Variants in SV2C observed in about 807,000 individuals in gnomAD.
The protein encoded by SV2C is synaptic vesicle glycoprotein 2C.
A neutral mutation model predicts 79.7 loss-of-function variants in SV2C; 49 were observed. The observed-to-expected ratio is 0.61, with a 90% CI of 0.49 to 0.78. The LOEUF (loss-of-function observed/expected upper bound fraction) is 0.78, where lower values mean the gene tolerates loss of function less well. Among genes scored for constraint, SV2C ranks in the 30% least tolerant of loss-of-function variants. The pLI is 0.00. For synonymous variants in SV2C, 334 were observed against 333.2 expected (o/e 1.00, Z -0.03); for missense variants, 833 against 912.9 (o/e 0.91, Z 1.13).
At chr5:76,147,955 TC>T (rs1749490783) in intron 2 of SV2C, among the ~76,000 whole-genome samples, 1 of 152,228 alleles carries the variant, frequency 6.6e-6, no homozygotes, top group South Asian at 2.1e-4. Flanking sequence ...TATACACCTT[TC>T]TGTCATGCTG....
chr5:76,143,230 A>G (rs1580302350), intron 2 of SV2C, among the ~76,000 whole-genome samples: 1 of 152,064 alleles, frequency 6.6e-6, no homozygotes, highest in Non-Finnish European at 1.5e-5. Context: ...ATTGGTTGCA[A>G]TGATGATGAT....
At chr5:76,154,906 C>G (rs1742672841) in intron 2 of SV2C, among the ~76,000 whole-genome samples, 1 of 151,990 alleles carries the variant, frequency 6.6e-6, no homozygotes, top group Admixed American at 6.6e-5. Context: ...GGAAAAAGAG[C>G]AGGTAGTAGC....
chr5:76,291,530 G>A (rs370562923), intron 7 of SV2C, among the ~76,000 whole-genome samples, 199 bp downstream of exon 7: 54 of 152,312 alleles, frequency 3.5e-4, no homozygotes, highest in Middle Eastern at 3.4e-3. Context: ...GGAAGGGAAA[G>A]TGTTAGGCCA....
chr5:76,185,612 G>A (rs1191963420), intron 2 of SV2C, among the ~76,000 whole-genome samples: 2 of 152,248 alleles, frequency 1.3e-5, no homozygotes, highest in African/African-American at 2.4e-5. Flanking sequence ...TGAAGCAATA[G>A]CCTGAGCTAT....
chr5:76,209,922 C>T (rs1444859134), intron 4 of SV2C, 35 bp downstream of exon 4: 1 of 1,573,910 alleles, frequency 6.4e-7, no homozygotes, highest in East Asian at 2.3e-5. Context: ...TGGGCAGTCA[C>T]TTCATTTTGC....
intron 12 of SV2C, among the ~76,000 whole-genome samples, chr5:76,309,402 C>T (rs1377174438): frequency 3.9e-5 from 6 of 151,908 alleles, no homozygotes; most frequent in African/African-American, 1.5e-4. Flanking sequence ...AGATCGAGAC[C>T]ATCCTGGCTA....
At chr5:75,878,692 A>C in the SV2C span, among the ~76,000 whole-genome samples, 19 of 152,292 alleles carry the variant, frequency 1.2e-4, no homozygotes, top group Admixed American at 4.6e-4. Context: ...TTGAGGAGCT[A>C]TTACACATAA....
At chr5:75,931,442 TC>T in the SV2C span, among the ~76,000 whole-genome samples, 1 of 152,198 alleles carries the variant, frequency 6.6e-6, no homozygotes, top group South Asian at 2.1e-4. Flanking sequence ...AAGGTGGTGA[TC>T]AATCAAAATG....
intron 2 of SV2C, among the ~76,000 whole-genome samples, chr5:76,194,564 C>G (rs758903728): frequency 2.0e-5 from 3 of 152,202 alleles, no homozygotes; most frequent in Non-Finnish European, 2.9e-5. Flanking sequence ...CCTCCACACC[C>G]AGGCAAAGGT....
chr5:75,878,850 TA>T, the SV2C span, among the ~76,000 whole-genome samples: 1 of 147,862 alleles, frequency 6.8e-6, no homozygotes, highest in Non-Finnish European at 1.5e-5. Context: ...GGATAATTTA[TA>T]TTAAAAAAAA....
intron 4 of SV2C, among the ~76,000 whole-genome samples, chr5:76,233,576 T>C (rs1424735001): frequency 2.0e-5 from 3 of 148,076 alleles, no homozygotes; most frequent in African/African-American, 8.0e-5. Flanking sequence ...TGCTGTGGGT[T>C]TGTCATAGAT....
At chr5:75,921,004 C>T in the SV2C span, 2 of 708,332 alleles carry the variant, frequency 2.8e-6, no homozygotes, top group Admixed American at 2.1e-5. Context: ...CGTGCGAGTC[C>T]TCGCGGTAGT....
intron 4 of SV2C, among the ~76,000 whole-genome samples, chr5:76,218,759 GTAAAA>G (rs968661455): frequency 2.3e-4 from 1 of 4,326 alleles, no homozygotes; most frequent in Non-Finnish European, 4.6e-4. Context: ...AGAACTCAAA[GTAAAA>G]TAAAATAAAA....
chr5:75,852,633 T>G, the SV2C span, among the ~76,000 whole-genome samples: 1 of 151,996 alleles, frequency 6.6e-6, no homozygotes, highest in South Asian at 2.1e-4. Context: ...CGTCTATAGA[T>G]CTTCACTATA....
At chr5:75,872,904 T>A in the SV2C span, among the ~76,000 whole-genome samples, 1 of 151,526 alleles carries the variant, frequency 6.6e-6, no homozygotes, top group Non-Finnish European at 1.5e-5. Context: ...AAACTTAAAG[T>A]ATAATAATAA....
At chr5:76,187,937 T>A (rs1215811343) in intron 2 of SV2C, among the ~76,000 whole-genome samples, 1 of 152,204 alleles carries the variant, frequency 6.6e-6, no homozygotes, top group African/African-American at 2.4e-5. Flanking sequence ...TTCTCCGCTT[T>A]TCTCTTTACG....
the SV2C span, among the ~76,000 whole-genome samples, chr5:75,987,377 C>A: frequency 6.6e-6 from 1 of 151,886 alleles, no homozygotes; most frequent in African/African-American, 2.4e-5. Context: ...CATCAATTTC[C>A]CCCTTCCTTT....
intron 4 of SV2C, among the ~76,000 whole-genome samples, chr5:76,251,740 G>T (rs1746123733): frequency 6.6e-6 from 1 of 152,154 alleles, no homozygotes; most frequent in Non-Finnish European, 1.5e-5. Flanking sequence ...AGCTATCCAT[G>T]CACCTATTCT....
At chr5:76,316,804 C>A (rs1408868519) in intron 12 of SV2C, among the ~76,000 whole-genome samples, 2 of 152,132 alleles carry the variant, frequency 1.3e-5, no homozygotes, top group Non-Finnish European at 2.9e-5. Context: ...TCCAGCCCCC[C>A]TGAGAAGCTT....
Sources: allele counts gnomAD v4.1 joint callset (sites outside exome capture counted in the v4.1 genomes callset), GRCh38; gene constraint gnomAD v4.1.1; transcripts MANE v1.5; gene names NCBI Gene and HGNC (gene_info 2026-07-23, HGNC 2026-07-21).